Variants in TAFA1 observed in about 807,000 individuals in gnomAD.
TAFA1 encodes the protein TAFA chemokine like family member 1.
Under a neutral mutation model 18.5 loss-of-function variants are expected in TAFA1, and 4 were observed. That is an observed-to-expected ratio of 0.22 (90% CI 0.11 to 0.49). The LOEUF is 0.49. Among genes scored for constraint, TAFA1 ranks in the 20% least tolerant of loss-of-function variants. The pLI, the probability that TAFA1 is intolerant of heterozygous loss-of-function variation, is 0.98. For synonymous variants in TAFA1, 56 were observed against 55.2 expected (o/e 1.01, Z -0.06); for missense variants, 147 against 169.0 (o/e 0.87, Z 0.72).
At chr3:68,022,966 GTT>G (rs752272309) in intron 2 of TAFA1, among the ~76,000 whole-genome samples, 16 of 122,038 alleles carry the variant, frequency 1.3e-4, no homozygotes, top group Admixed American at 1.7e-4. Flanking sequence ...AGTTACTCTT[GTT>G]TTTTTTTTTT....
At chr3:68,479,461 A>C (rs1000627750) in intron 3 of TAFA1, among the ~76,000 whole-genome samples, 1 of 151,992 alleles carries the variant, frequency 6.6e-6, no homozygotes, top group Non-Finnish European at 1.5e-5. Context: ...CAATGTCAGC[A>C]TGTCTCTCTT....
intron 2 of TAFA1, among the ~76,000 whole-genome samples, chr3:68,288,227 C>A (rs2068049005): frequency 6.6e-6 from 1 of 152,182 alleles, no homozygotes; most frequent in Non-Finnish European, 1.5e-5. Flanking sequence ...GCTGCTCACT[C>A]CGCAGTGCAA....
intron 2 of TAFA1, among the ~76,000 whole-genome samples, chr3:68,172,845 G>C (rs1030355572): frequency 3.1e-4 from 47 of 152,120 alleles, no homozygotes; most frequent in African/African-American, 1.1e-3. Flanking sequence ...AAATGGATTA[G>C]TATTTTCAGG....
intron 3 of TAFA1, among the ~76,000 whole-genome samples, chr3:68,520,130 A>G (rs745782764): frequency 1.3e-5 from 2 of 152,146 alleles, no homozygotes; most frequent in Non-Finnish European, 1.5e-5. Flanking sequence ...AGAAAGTAAA[A>G]TGAAAATGGT....
intron 2 of TAFA1, among the ~76,000 whole-genome samples, chr3:68,393,544 G>A (rs2070307139): frequency 6.6e-6 from 1 of 152,026 alleles, no homozygotes; most frequent in African/African-American, 2.4e-5. Context: ...GAAAAACCTG[G>A]CAGAGACACA....
At chr3:68,067,697 T>TCTTC (rs1015958331) in intron 2 of TAFA1, among the ~76,000 whole-genome samples, 2 of 152,272 alleles carry the variant, frequency 1.3e-5, no homozygotes, top group Admixed American at 6.5e-5. Flanking sequence ...AGCCAACTTT[T>TCTTC]CTTCCTTCCT....
chr3:68,364,952 T>C (rs563630733), intron 2 of TAFA1, among the ~76,000 whole-genome samples: 8 of 152,318 alleles, frequency 5.3e-5, no homozygotes, highest in African/African-American at 7.2e-5. Context: ...AAACATGTGT[T>C]TGCAGAATCT....
chr3:68,135,644 A>C (rs2065598390), intron 2 of TAFA1, among the ~76,000 whole-genome samples: 1 of 152,198 alleles, frequency 6.6e-6, no homozygotes, highest in Non-Finnish European at 1.5e-5. Context: ...AATACAATAG[A>C]TGCTTAAGAA....
chr3:68,457,352 A>G (rs536093160), intron 3 of TAFA1, among the ~76,000 whole-genome samples: 58 of 152,370 alleles, frequency 3.8e-4, no homozygotes, highest in African/African-American at 1.4e-3. Flanking sequence ...ATGATCAAAT[A>G]GACTACTCTC....
intron 2 of TAFA1, among the ~76,000 whole-genome samples, chr3:68,292,876 AAAACAAAC>A (rs796132662): frequency 6.6e-6 from 1 of 152,126 alleles, no homozygotes; most frequent in Non-Finnish European, 1.5e-5. Flanking sequence ...AGCTACTAGA[AAAACAAAC>A]AAACAAACAA....
the TAFA1 span, among the ~76,000 whole-genome samples, chr3:67,996,168 A>G: frequency 2.6e-5 from 4 of 152,192 alleles, no homozygotes; most frequent in African/African-American, 9.6e-5. Context: ...TTGTTGAGTG[A>G]GTCCTTGGTA....
At chr3:68,284,493 T>C (rs2067959977) in intron 2 of TAFA1, among the ~76,000 whole-genome samples, 1 of 152,190 alleles carries the variant, frequency 6.6e-6, no homozygotes, top group Non-Finnish European at 1.5e-5. Context: ...TAAACATGCA[T>C]CTTCAAAAAG....
Position 68,019,809 on chromosome 3 carries a change from A to G in TAFA1, c.118+13065A>G, listed in dbSNP as rs555886046. ...AACGAAAACAACACCCCTGTCTTCC[A>G]AAGATAGCCCCCCGGCCAGTGATGG... On this transcript the variant is annotated intron_variant, in intron 2 of 4. Transcript: ENST00000478136. Among the ~76,000 whole-genome samples the G allele has an allele frequency of 1.4e-4, 22 of 152,308 alleles. 1 individual carries two copies. In the East Asian group the frequency reaches 4.1e-3, roughly 28 times the overall value.
intron 3 of TAFA1, among the ~76,000 whole-genome samples, chr3:68,459,674 G>A (rs1427997699): frequency 3.9e-5 from 6 of 152,112 alleles, no homozygotes; most frequent in Non-Finnish European, 5.9e-5. Context: ...TCTTTGAAAC[G>A]AATGATAAAA....
chr3:68,151,452 A>G (rs2065805276), intron 2 of TAFA1, among the ~76,000 whole-genome samples: 1 of 152,192 alleles, frequency 6.6e-6, no homozygotes, highest in Non-Finnish European at 1.5e-5. Context: ...AGAATACACC[A>G]GACTTAGTAA....
intron 3 of TAFA1, among the ~76,000 whole-genome samples, chr3:68,470,129 G>A (rs937159216): frequency 6.6e-6 from 1 of 152,118 alleles, no homozygotes; most frequent in African/African-American, 2.4e-5. Context: ...AAATATGATG[G>A]TTTCATAAAG....
chr3:68,389,894 C>T (rs2070191037), intron 2 of TAFA1, among the ~76,000 whole-genome samples: 1 of 152,150 alleles, frequency 6.6e-6, no homozygotes, highest in Non-Finnish European at 1.5e-5. Context: ...GGTGCCTACA[C>T]CACCAGGGCC....
At chr3:68,470,018 T>A (rs1485018116) in intron 3 of TAFA1, among the ~76,000 whole-genome samples, 3 of 152,184 alleles carry the variant, frequency 2.0e-5, no homozygotes, top group Non-Finnish European at 4.4e-5. Flanking sequence ...CACCTTGAAT[T>A]ATAATCATCC....
At chr3:68,077,027 G>A (rs796692022) in intron 2 of TAFA1, among the ~76,000 whole-genome samples, 4,955 of 147,026 alleles carry the variant, frequency 0.034, 227 homozygotes, top group African/African-American at 0.11. Context: ...GTATCTCATT[G>A]TGGTTTTGAT....
Sources: allele counts gnomAD v4.1 joint callset (sites outside exome capture counted in the v4.1 genomes callset), GRCh38; gene constraint gnomAD v4.1.1; transcripts MANE v1.5; gene names NCBI Gene and HGNC (gene_info 2026-07-23, HGNC 2026-07-21).